The following PACSIN3 variants were observed in gnomAD, a reference collection of about 807,000 sequenced individuals.
PACSIN3 encodes the protein protein kinase C and casein kinase substrate in neurons protein 3.
A neutral mutation model predicts 56.1 loss-of-function variants in PACSIN3; 34 were observed. The observed-to-expected ratio is 0.61, with a 90% confidence interval of 0.46 to 0.81. PACSIN3 has a LOEUF of 0.81. Among genes scored for constraint, PACSIN3 ranks in the 30% least tolerant of loss-of-function variants. PACSIN3 has a pLI of 0.00. For synonymous variants in PACSIN3, 218 were observed against 229.8 expected (o/e 0.95, Z 0.46); for missense variants, 535 against 592.4 (o/e 0.90, Z 1.01).
At chr11:47,181,186 C>T (rs892463381) in intron 4 of PACSIN3, among the ~76,000 whole-genome samples, 1 of 151,848 alleles carries the variant, frequency 6.6e-6, no homozygotes, top group Admixed American at 6.6e-5. Context: ...CACTTGAACC[C>T]GAGAGGGGGA....
rs576562500 is a variant in PACSIN3 at position 47,178,636 on chromosome 11, T to C, written c.1038-149A>G. 1.3e-4 allele frequency: 137 copies of C among 1,094,834 alleles called. No homozygotes were observed. The African/African-American group carries it at 2.1e-3, about 17-fold the overall frequency. The allele number at this position is 1,094,834 out of a possible 1,614,324, so 67.8% of individuals were successfully genotyped here. A position where few individuals can be genotyped will look rare whatever the true frequency, so the allele number is the denominator to read the frequency against. ...TAAAGATTCTAGCTCTACCTCGCCA[T>C]GCCCGACTGTGAGCAAAGAGGCAAT... On this transcript the variant is annotated intron_variant, in intron 9 of 10. Coordinates refer to ENST00000298838, the MANE Select transcript of PACSIN3 (RefSeq NM_016223.5). The surrounding 1 kb of genome is among the most constrained non-coding windows in gnomAD (Gnocchi z 4.2).
In PACSIN3 at chr11:47,179,815, AC is replaced by A; in HGVS notation, c.604-230del. The A allele has an allele frequency of 3.5e-6, 2 of 573,718 alleles. No individual in the cohort carries two copies. Among genetic ancestry groups the A allele is most frequent in the Non-Finnish European group, 3.1e-6 (1 of 324,384 alleles). The allele number at this position is 573,718 out of a possible 1,614,324, so 35.5% of individuals were successfully genotyped here. A position where few individuals can be genotyped will look rare whatever the true frequency, so the allele number is the denominator to read the frequency against. On this transcript the variant is annotated intron_variant, in intron 6 of 10. Transcript: ENST00000298838. The surrounding 1 kb of genome is among the most constrained non-coding windows in gnomAD (Gnocchi z 4.4). ...GTGAGGATTGAAATGAGGTCAACCTACAGGAAAGGATGGGAGAAATCAGAAA... is the reference window on the plus strand; with the variant it reads ...GTGAGGATTGAAATGAGGTCAACCTAAGGAAAGGATGGGAGAAATCAGAAA...
Position 47,178,209 on chromosome 11 carries a change from C to A in PACSIN3, c.1159+157G>T, listed in dbSNP as rs1198302752. Among the ~76,000 whole-genome samples, 1 of 152,224 alleles carries A rather than the reference C, an allele frequency of 6.6e-6. No individual in the cohort carries two copies. ...GTCAGCAAGCTGCCCCACCCCAGAC[C>A]CTGAATGCAGCCACCAGGCACCAGC... On this transcript the variant is annotated intron_variant, in intron 10 of 10. Transcript: ENST00000298838. This position sits in a 1 kb window ranked among gnomAD's most constrained non-coding sequence, Gnocchi z 4.2.
In PACSIN3 at chr11:47,182,386, G is replaced by T. The variant is rs766393865; in HGVS notation, c.211+17C>A. On this transcript the variant is annotated intron_variant, in intron 4 of 10. Transcript: ENST00000298838. ...TGCACTCAGCTGCCCTCTGCCCCCT[G>T]CGAGGGCCTGGCTCACCCTTCTCCA... 2.5e-6 allele frequency: 4 copies of T among 1,586,526 alleles called. No individual in the cohort carries two copies. Among genetic ancestry groups the T allele is most frequent in the Non-Finnish European group, 3.4e-6 (4 of 1,169,906 alleles).
intron 1 of PACSIN3, among the ~76,000 whole-genome samples, chr11:47,183,691 G>A (rs1953070197): frequency 6.6e-6 from 1 of 152,240 alleles, no homozygotes; most frequent in African/African-American, 2.4e-5. Context: ...GGCGTCCAGG[G>A]CAGCATGGGG....
chr11:47,184,515 T>A (rs1178836619), intron 1 of PACSIN3: 1 of 152,224 alleles, frequency 6.6e-6, no homozygotes, highest in Non-Finnish European at 1.5e-5. Context: ...CAGCAATAAT[T>A]AGTTAAGTGA....
chr11:47,185,317 C>T (rs964656027), intron 1 of PACSIN3: 2 of 152,454 alleles, frequency 1.3e-5, no homozygotes, highest in Non-Finnish European at 2.9e-5. Flanking sequence ...CTTCCAGAAG[C>T]TGGGGGCTTG....
Position 47,178,174 on chromosome 11 carries a change from G to T in PACSIN3, c.1160-128C>A. On this transcript the variant is annotated intron_variant, in intron 10 of 10. Coordinates refer to ENST00000298838, the MANE Select transcript of PACSIN3 (RefSeq NM_016223.5). The surrounding 1 kb of genome is among the most constrained non-coding windows in gnomAD (Gnocchi z 4.2). ...TAGCAAAGACATGGCTCAGGCAGAG[G>T]CAGGTCAAGGTCAGCAAGCTGCCCC... 1 of 1,145,592 alleles carries T rather than the reference G, an allele frequency of 8.7e-7. No individual in the cohort carries two copies. Among genetic ancestry groups the T allele is most frequent in the Non-Finnish European group, 1.3e-6 (1 of 791,118 alleles). 71.0% of individuals were successfully genotyped at this position (1,145,592 alleles called of 1,614,324 possible). A position where few individuals can be genotyped will look rare whatever the true frequency, so the allele number is the denominator to read the frequency against.
chr11:47,180,079 A>C, intron 6 of PACSIN3, 107 bp downstream of exon 6: 5 of 978,514 alleles, frequency 5.1e-6, no homozygotes, highest in Non-Finnish European at 7.7e-6. Flanking sequence ...CAGGTGAGGA[A>C]TAGGGTAATA....
chr11:47,180,822 G>C, intron 4 of PACSIN3, 132 bp from the exon 5 acceptor site: 1 of 671,192 alleles, frequency 1.5e-6, no homozygotes, highest in South Asian at 1.9e-5. Context: ...AACCCTGTCA[G>C]CTGGGCTTAT....
At position 47,182,352 on chromosome 11, in the gene PACSIN3, C is replaced by T. The variant is rs376134100; in HGVS notation, c.211+51G>A. On this transcript the variant is annotated intron_variant, in intron 4 of 10. Transcript: ENST00000298838. Reference sequence around the variant, plus strand: ...CGAGACGTGCAAAAAGAAGCTGGCCCGACAGTCCTGCACTCAGCTGCCCTC... The same window carrying T: ...CGAGACGTGCAAAAAGAAGCTGGCCTGACAGTCCTGCACTCAGCTGCCCTC... 39 of 1,520,100 alleles carry T rather than the reference C, an allele frequency of 2.6e-5. No homozygotes were observed. In the African/African-American group the frequency reaches 2.7e-4, roughly 11 times the overall value. 94.2% of individuals were successfully genotyped at this position (1,520,100 alleles called of 1,614,324 possible). A position where few individuals can be genotyped will look rare whatever the true frequency, so the allele number is the denominator to read the frequency against.
chr11:47,182,595 G>A, intron 3 of PACSIN3, 36 bp from the exon 4 acceptor site: 1 of 1,604,432 alleles, frequency 6.2e-7, no homozygotes, highest in Non-Finnish European at 8.5e-7. Context: ...TCACCAGGGA[G>A]AAGCTTCCTT....
intron 2 of PACSIN3, 95 bp downstream of exon 2, chr11:47,182,909 C>A: frequency 1.7e-6 from 1 of 575,572 alleles, no homozygotes; most frequent in South Asian, 2.5e-5. Flanking sequence ...AGGCAGGGTG[C>A]TGAAGACCCT....
At chr11:47,184,122 C>T (rs890934928) in intron 1 of PACSIN3, among the ~76,000 whole-genome samples, 1 of 152,208 alleles carries the variant, frequency 6.6e-6, no homozygotes, top group Non-Finnish European at 1.5e-5. Context: ...TGGCTGCTCC[C>T]CTCCTGCCTC....
At position 47,179,010 on chromosome 11, in the gene PACSIN3, C is replaced by G. The variant is rs1952959014; in HGVS notation, c.921G>C (p.Gln307His). The change falls in exon 9 of 11, where the codon CAG becomes CAC. Residue 307 changes from glutamine to histidine, a missense_variant. Coordinates refer to ENST00000298838, the MANE Select transcript of PACSIN3 (RefSeq NM_016223.5). This position sits in a 1 kb window ranked among gnomAD's most constrained non-coding sequence, Gnocchi z 4.4. ...PQFEEWSLDTQRTISRKEKGG... is the reference protein window; with the variant it reads ...PQFEEWSLDTHRTISRKEKGG... ...CCTTCTCTTTCCGGCTGATTGTCCT[C>G]TGTGTGTCCAAGGACCACTCCTGTG... 2.5e-6 allele frequency: 4 copies of G among 1,614,160 alleles called. No homozygotes were observed. The highest frequency in any genetic ancestry group is 3.4e-6 in the Non-Finnish European group (4 of 1,180,022).
chr11:47,178,158 C>G lies in PACSIN3; in HGVS notation c.1160-112G>C. On this transcript the variant is annotated intron_variant, in intron 10 of 10. Coordinates refer to ENST00000298838, the MANE Select transcript of PACSIN3 (RefSeq NM_016223.5). This position sits in a 1 kb window ranked among gnomAD's most constrained non-coding sequence, Gnocchi z 4.2. ...GGTCCCAGAGCCCAGCTAGCAAAGACATGGCTCAGGCAGAGGCAGGTCAAG... is the reference window on the plus strand; with the variant it reads ...GGTCCCAGAGCCCAGCTAGCAAAGAGATGGCTCAGGCAGAGGCAGGTCAAG... 8.3e-7 allele frequency: 1 copy of G among 1,203,706 alleles called. No individual in the cohort carries two copies. The highest frequency in any genetic ancestry group is 1.2e-6 in the Non-Finnish European group (1 of 841,096). 74.6% of individuals were successfully genotyped at this position (1,203,706 alleles called of 1,614,324 possible).
intron 4 of PACSIN3, among the ~76,000 whole-genome samples, chr11:47,181,347 C>G (rs969781583): frequency 3.3e-5 from 5 of 152,204 alleles, no homozygotes; most frequent in Admixed American, 6.5e-5. Context: ...AAGGAAGAGC[C>G]TGTGTGTGCC....
chr11:47,180,577 G>A lies in PACSIN3; in HGVS notation c.325C>T (p.Arg109Trp), dbSNP rs750453776. The change falls in exon 5 of 11, where the codon CGG (arginine) becomes TGG (tryptophan). Residue 109 changes from arginine to tryptophan, a missense_variant. Physicochemically the swap from Arg to Trp is moderately radical, Grantham distance 101 (BLOSUM62 -3). Transcript: ENST00000298838. ...GCCCCCCGCTGCCAGGCGCGCACCC[G>A]CTCACTGTCCTGCCCTTGCAGCTTC... Reference protein sequence around the residue: ...REKLQGQDSERVRAWQRGAFH... With the variant: ...REKLQGQDSEWVRAWQRGAFH... 5.5e-5 allele frequency: 88 copies of A among 1,604,356 alleles called. No individual in the cohort carries two copies. Among genetic ancestry groups the A allele is most frequent in the Middle Eastern group, 1.6e-4 (1 of 6,082 alleles).
At chr11:47,182,980 T>A in intron 2 of PACSIN3, 24 bp downstream of exon 2, 2 of 429,842 alleles carry the variant, frequency 4.7e-6, no homozygotes, top group Non-Finnish European at 4.1e-6. Context: ...TGCTCTGCAC[T>A]TCCCCCCCCG....
Sources: gnomAD v4.1 joint callset for allele counts (sites outside exome capture counted in the v4.1 genomes callset) on GRCh38, gnomAD v4.1.1 for gene constraint, Gnocchi (gnomAD v3.1) non-coding constraint, MANE v1.5 for transcripts, NCBI Gene and HGNC (gene_info 2026-07-23, HGNC 2026-07-21) for gene names.